SLC4A8: variants seen among roughly 807,000 people sequenced by gnomAD.
The protein encoded by SLC4A8 is solute carrier family 4 member 8.
Under a neutral mutation model 125.0 loss-of-function variants are expected in SLC4A8, and 40 were observed. The observed-to-expected ratio is 0.32, with a 90% CI of 0.25 to 0.42. The LOEUF (loss-of-function observed/expected upper bound fraction) is 0.42. SLC4A8 is among the 10% of genes least tolerant of loss of function. The pLI is 1.00. For missense variants in SLC4A8, 863 were observed against 1,355.1 expected, an observed-to-expected ratio of 0.64 and a Z score of 5.70; for synonymous variants, 456 against 476.0, an observed-to-expected ratio of 0.96 and a Z score of 0.55.
At chr12:51,402,318 A>G (rs756092887) in intron 1 of SLC4A8, among the ~76,000 whole-genome samples, 3 of 152,200 alleles carry the variant, frequency 2.0e-5, no homozygotes, top group Non-Finnish European at 4.4e-5. Flanking sequence ...CAAAGCTAGA[A>G]TGCTTCAAGA....
chr12:51,439,611 TA>T (rs572749873), intron 1 of SLC4A8, among the ~76,000 whole-genome samples: 137 of 139,092 alleles, frequency 9.8e-4, no homozygotes, highest in Non-Finnish European at 6.0e-4. Flanking sequence ...GTTCCAGAAC[TA>T]AAAAAAAAAA....
In SLC4A8 at chr12:51,452,194, G is replaced by A; in HGVS notation, c.348G>A (p.Leu116=). The part of the protein sequence containing the change: ...EEDEEHVPHE[L]FTELDEICMK... ...ATGAAGAGCATGTGCCTCATGAGCT[G>A]TTTACAGAGCTGGATGAGATCTGTA... Residue 116 remains leucine, a synonymous_variant, in exon 4 of 25, where the codon CTG becomes CTA. Transcript: ENST00000453097. The A allele has an allele frequency of 6.2e-7, 1 of 1,614,122 alleles. No individual in the cohort carries two copies. Among genetic ancestry groups the A allele is most frequent in the Non-Finnish European group, 8.5e-7 (1 of 1,179,944 alleles).
chr12:51,392,588 A>T (rs1948155729), intron 1 of SLC4A8, among the ~76,000 whole-genome samples: 1 of 142,588 alleles, frequency 7.0e-6, no homozygotes, highest in Non-Finnish European at 1.6e-5. Context: ...AAAAAAAAAG[A>T]AAAAAAGAAA....
rs1237929123 is a variant in SLC4A8 at position 51,514,130 on chromosome 12, T to G, written c.*6692T>G. The G allele has an allele frequency of 1.3e-5, 2 of 152,654 alleles. No homozygotes were observed. The highest frequency in any genetic ancestry group is 2.9e-5 in the Non-Finnish European group (2 of 68,040). The allele number at this position is 152,654 out of a possible 1,614,324, so 9.5% of individuals were successfully genotyped here. ...TATTCTCTCTGTTGCTTTATCAGCT[T>G]CTCTAAATTTATTTTGTAAGGAAGT... On this transcript the variant is annotated 3_prime_UTR_variant, in exon 25 of 25. Coordinates refer to ENST00000453097, the MANE Select transcript of SLC4A8 (RefSeq NM_001039960.3).
chr12:51,463,576 A>G (rs199701012), intron 10 of SLC4A8, 38 bp from the exon 11 acceptor site: 3 of 1,479,846 alleles, frequency 2.0e-6, no homozygotes, highest in East Asian at 4.5e-5. Context: ...GAAAAGATAG[A>G]TGTTACCTTT....
At chr12:51,506,937 C>G (rs933991323) in intron 24 of SLC4A8, among the ~76,000 whole-genome samples, 1 of 151,980 alleles carries the variant, frequency 6.6e-6, no homozygotes, top group Non-Finnish European at 1.5e-5. Flanking sequence ...AAATCTGAGG[C>G]CTTCCTAAAG....
At chr12:51,477,064 C>G (rs1379696941) in intron 16 of SLC4A8, among the ~76,000 whole-genome samples, 1 of 151,760 alleles carries the variant, frequency 6.6e-6, no homozygotes, top group Non-Finnish European at 1.5e-5. Context: ...CTTACCATGC[C>G]TGGCTAATTT....
chr12:51,461,215 T>C lies in SLC4A8; in HGVS notation c.1025T>C (p.Ile342Thr). 1 of 1,608,390 alleles carries C rather than the reference T, an allele frequency of 6.2e-7. No homozygotes were observed. The highest frequency in any genetic ancestry group is 8.5e-7 in the Non-Finnish European group (1 of 1,175,334). ...EVPIPTRFLF[I>T]LLGPVGKGQQ... Reference sequence around the variant, plus strand: ...GTGTGTTTTGCCAGATTTTTGTTTATCTTATTGGGTCCAGTAGGGAAAGGT... The same window carrying C: ...GTGTGTTTTGCCAGATTTTTGTTTACCTTATTGGGTCCAGTAGGGAAAGGT... Residue 342 changes from isoleucine to threonine, a missense_variant, in exon 9 of 25, where the codon ATC (isoleucine) becomes ACC (threonine). Ile to Thr is a moderately conservative substitution (Grantham distance 89). Transcript: ENST00000453097.
intron 21 of SLC4A8, among the ~76,000 whole-genome samples, chr12:51,495,402 G>C (rs145297390): frequency 1.3e-5 from 2 of 150,452 alleles, no homozygotes; most frequent in Non-Finnish European, 2.9e-5. Context: ...TTCTAGGTAC[G>C]TCATATAAGT....
intron 1 of SLC4A8, among the ~76,000 whole-genome samples, chr12:51,413,400 A>C (rs1428554502): frequency 6.6e-6 from 1 of 152,144 alleles, no homozygotes; most frequent in Non-Finnish European, 1.5e-5. Flanking sequence ...CTTTGCAGTG[A>C]AAGAGCTTTT....
At chr12:51,472,282 A>G (rs929218934) in intron 14 of SLC4A8, among the ~76,000 whole-genome samples, 5 of 152,168 alleles carry the variant, frequency 3.3e-5, no homozygotes, top group African/African-American at 1.2e-4. Flanking sequence ...TCTGATGTGG[A>G]GGATCTGGTT....
chr12:51,501,122 C>G (rs1305270932), intron 22 of SLC4A8, among the ~76,000 whole-genome samples: 1 of 152,142 alleles, frequency 6.6e-6, no homozygotes, highest in Admixed American at 6.5e-5. Flanking sequence ...AGCCACCGTG[C>G]CCGGCCAGAT....
chr12:51,392,237 G>A (rs1373648252), intron 1 of SLC4A8: 4 of 152,276 alleles, frequency 2.6e-5, no homozygotes, highest in Admixed American at 1.3e-4. Context: ...TCTCAAAGTG[G>A]GATCCCCCAC....
rs1938310495 is a variant in SLC4A8, at chr12:51,510,065, C to T, written c.*2627C>T. 6.6e-6 allele frequency: 1 copy of T among 152,238 alleles called. No individual in the cohort carries two copies. Among genetic ancestry groups the T allele is most frequent in the African/African-American group, 2.4e-5 (1 of 41,420 alleles). 9.4% of individuals were successfully genotyped at this position (152,238 alleles called of 1,614,324 possible). ...GGGATTGTAGGTCCCAACAGCGGTT[C>T]CAGCAGCCTGCACAGCTGGTACGAG... On this transcript the variant is annotated 3_prime_UTR_variant, in exon 25 of 25. Transcript: ENST00000453097.
chr12:51,425,000 G>A lies in SLC4A8; in HGVS notation c.13G>A (p.Gly5Arg). ...GTTCGGCTCCGCCATGCCGGCCGCC[G>A]GGAGTAACGAGCCGGACGGCGTCCT... The part of the protein sequence containing the change: MPAA[G>R]SNEPDGVLSY... The change falls in exon 1 of 25, where the codon GGG (glycine) becomes AGG (arginine). Residue 5 changes from glycine to arginine, a missense_variant. Gly to Arg is a moderately radical substitution (Grantham distance 125, BLOSUM62 -2). Coordinates refer to ENST00000453097, the MANE Select transcript of SLC4A8 (RefSeq NM_001039960.3). The A allele has an allele frequency of 6.4e-7, 1 of 1,556,386 alleles. No homozygotes were observed. Among genetic ancestry groups the A allele is most frequent in the Non-Finnish European group, 8.7e-7 (1 of 1,150,548 alleles).
intron 5 of SLC4A8, among the ~76,000 whole-genome samples, chr12:51,454,363 CACAGAG>C (rs1428820340): frequency 6.6e-6 from 1 of 150,852 alleles, no homozygotes; most frequent in African/African-American, 2.4e-5. Context: ...AAGAAAAAGA[CACAGAG>C]ACAAAGTATA....
intron 1 of SLC4A8, among the ~76,000 whole-genome samples, chr12:51,406,690 C>A (rs913748920): frequency 6.6e-6 from 1 of 152,180 alleles, no homozygotes; most frequent in Admixed American, 6.5e-5. Context: ...AATAACATGC[C>A]CCTGTTAGTC....
chr12:51,487,027 A>G (rs180842024), intron 17 of SLC4A8, among the ~76,000 whole-genome samples: 2 of 152,368 alleles, frequency 1.3e-5, no homozygotes, highest in African/African-American at 2.4e-5. Context: ...AAAATAGGTA[A>G]TATGGGAACA....
At chr12:51,449,605 G>C (rs1280347806) in intron 2 of SLC4A8, among the ~76,000 whole-genome samples, 4 of 152,086 alleles carry the variant, frequency 2.6e-5, no homozygotes, top group Non-Finnish European at 5.9e-5. Context: ...GCAGAAATGG[G>C]AGAAGACCAA....
Sources: allele counts gnomAD v4.1 joint callset (sites outside exome capture counted in the v4.1 genomes callset), GRCh38; gene constraint gnomAD v4.1.1; transcripts MANE v1.5; gene names NCBI Gene and HGNC (gene_info 2026-07-23, HGNC 2026-07-21).